The following VPS41 variants were observed in gnomAD, a reference collection of about 807,000 sequenced individuals.
The protein encoded by VPS41 is VPS41 subunit of HOPS complex.
Under a neutral mutation model 130.9 loss-of-function variants are expected in VPS41, and 85 were observed. The observed-to-expected ratio is 0.65, with a 90% CI of 0.55 to 0.78. VPS41 has a LOEUF of 0.78. Ranked by LOEUF, VPS41 falls within the 30% of genes least tolerant of loss-of-function variation. The probability of loss-of-function intolerance (pLI) is 0.00; values close to 1 mark genes in which losing one functional copy is unlikely to be tolerated. For synonymous variants in VPS41, 335 were observed against 332.9 expected (o/e 1.01, Z -0.07); for missense variants, 874 against 1,018.7 (o/e 0.86, Z 1.93).
rs1033257744 is a variant in VPS41, at chr7:38,805,260, C to T, written c.451-8396G>A. ...ACAATTCAAAGTAAAACAGGCCAGG[C>T]GCAGTGGCTCACGCCTGTAATCCCA... On this transcript the variant is annotated intron_variant, in intron 7 of 28. Coordinates refer to ENST00000310301, the MANE Select transcript of VPS41 (RefSeq NM_014396.4). 2.6e-5 allele frequency among the ~76,000 whole-genome samples: 4 copies of T among 152,134 alleles called. No individual in the cohort carries two copies. In the East Asian group the frequency reaches 7.7e-4, roughly 29 times the overall value.
At chr7:38,881,398 TCA>T (rs1407639970) in intron 2 of VPS41, among the ~76,000 whole-genome samples, 6 of 152,292 alleles carry the variant, frequency 3.9e-5, no homozygotes, top group South Asian at 4.1e-4. Context: ...CCAGATAATC[TCA>T]CTCTCCTACA....
At chr7:38,745,359 T>C (rs556532914) in intron 23 of VPS41, among the ~76,000 whole-genome samples, 200 bp downstream of exon 23, 1 of 152,348 alleles carries the variant, frequency 6.6e-6, no homozygotes, top group East Asian at 1.9e-4. Context: ...ATTGCCAATA[T>C]GTTATTTCAA....
chr7:38,897,194 C>CAAA (rs60717646), intron 2 of VPS41, among the ~76,000 whole-genome samples: 64,641 of 115,536 alleles, frequency 0.56, 18,561 homozygotes, highest in Admixed American at 0.67. Flanking sequence ...AACTCTGTCT[C>CAAA]AAAAAAAAAA....
intron 4 of VPS41, among the ~76,000 whole-genome samples, chr7:38,838,220 C>T (rs1245389805): frequency 1.3e-5 from 2 of 150,316 alleles, no homozygotes; most frequent in African/African-American, 2.5e-5. Context: ...CAAACAGCAA[C>T]AACAGGAAAA....
intron 1 of VPS41, 128 bp downstream of exon 1, chr7:38,909,026 C>T: frequency 8.5e-7 from 1 of 1,175,126 alleles, no homozygotes; most frequent in Non-Finnish European, 1.3e-6. Context: ...CCCACCCCGC[C>T]CTGCCGCGGA....
At position 38,884,046 on chromosome 7, in the gene VPS41, A is replaced by T. The variant is rs578103258; in HGVS notation, c.60+14045T>A. Among the ~76,000 whole-genome samples, 3 of 152,326 alleles carry T rather than the reference A, an allele frequency of 2.0e-5. No homozygotes were observed. In the East Asian group the frequency reaches 5.8e-4, roughly 29 times the overall value. ...CAATCTCATAACAGGGCACATTACC[A>T]TTTTTGTTATTAGTTGCCATAAATC... On this transcript the variant is annotated intron_variant, in intron 2 of 28. Coordinates refer to ENST00000310301, the MANE Select transcript of VPS41 (RefSeq NM_014396.4).
chr7:38,791,237 T>G (rs1259622560), intron 9 of VPS41, among the ~76,000 whole-genome samples: 1 of 152,222 alleles, frequency 6.6e-6, no homozygotes, highest in Admixed American at 6.5e-5. Flanking sequence ...TCCACTCTTC[T>G]TCCCACACTT....
intron 2 of VPS41, among the ~76,000 whole-genome samples, chr7:38,888,719 A>G (rs982752350): frequency 3.3e-5 from 5 of 152,216 alleles, no homozygotes; most frequent in African/African-American, 1.2e-4. Flanking sequence ...TCAACAGAAT[A>G]TACATTCTTC....
Position 38,830,323 on chromosome 7 carries a change from A to C in VPS41, c.252T>G (p.Pro84=), listed in dbSNP as rs767200170. ...GNITQKFDVS[P]VKINQISLDE... ...CCAAGCTAATCTGATTTATCTTCAC[A>C]GGACTCTAAAAAGAAAAAGACAAAA... The change falls in exon 5 of 29, where the codon CCT becomes CCG. Residue 84 remains proline (P), a synonymous_variant. Transcript: ENST00000310301. 104 of 1,605,774 alleles carry C rather than the reference A, an allele frequency of 6.5e-5. No homozygotes were observed. The Middle Eastern group carries it at 1.2e-3, about 18-fold the overall frequency.
intron 7 of VPS41, among the ~76,000 whole-genome samples, chr7:38,801,883 C>T (rs1165741790): frequency 2.0e-5 from 3 of 152,194 alleles, no homozygotes; most frequent in East Asian, 1.9e-4. Context: ...TTTCCCAAAA[C>T]GTTTCAGTTA....
At chr7:38,824,864 T>C (rs776998238) in intron 5 of VPS41, among the ~76,000 whole-genome samples, 28 of 152,208 alleles carry the variant, frequency 1.8e-4, no homozygotes, top group Non-Finnish European at 3.8e-4. Context: ...ATATGAGATG[T>C]AAACAAATGA....
intron 4 of VPS41, among the ~76,000 whole-genome samples, chr7:38,855,527 T>A (rs759563647): frequency 2.0e-4 from 30 of 152,136 alleles, no homozygotes; most frequent in Non-Finnish European, 1.5e-4. Context: ...GAAACCATCA[T>A]CACTCACAGA....
At chr7:38,768,668 T>TC (rs1471783991) in intron 14 of VPS41, among the ~76,000 whole-genome samples, 3 of 152,018 alleles carry the variant, frequency 2.0e-5, no homozygotes, top group African/African-American at 7.3e-5. Flanking sequence ...TGGAAACAGA[T>TC]CACACGTAAC....
chr7:38,795,758 C>T, intron 8 of VPS41, 147 bp from the exon 9 acceptor site: 1 of 643,808 alleles, frequency 1.6e-6, no homozygotes, highest in Admixed American at 3.5e-5. Flanking sequence ...TGCTCCTGCT[C>T]CACACAAACC....
intron 1 of VPS41, among the ~76,000 whole-genome samples, chr7:38,902,626 C>T (rs543288564): frequency 1.3e-5 from 2 of 152,280 alleles, no homozygotes; most frequent in African/African-American, 2.4e-5. Flanking sequence ...CACCAAGGCA[C>T]GCCTGCTCAT....
chr7:38,867,173 T>C (rs183383185), intron 3 of VPS41, among the ~76,000 whole-genome samples: 2 of 152,308 alleles, frequency 1.3e-5, no homozygotes, highest in East Asian at 3.9e-4. Flanking sequence ...TATGTTCCAA[T>C]ATATAGTATG....
chr7:38,728,414 A>G, intron 27 of VPS41, 128 bp downstream of exon 27: 1 of 1,046,446 alleles, frequency 9.6e-7, no homozygotes, highest in Non-Finnish European at 1.5e-6. Flanking sequence ...AAGCCACAAC[A>G]CTTCTCTCCA....
chr7:38,896,525 T>C (rs2116434020), intron 2 of VPS41, among the ~76,000 whole-genome samples: 1 of 152,370 alleles, frequency 6.6e-6, no homozygotes, highest in East Asian at 1.9e-4. Context: ...ATAAACTTTC[T>C]TAAAACACTG....
chr7:38,784,884 G>A (rs1467533066), intron 10 of VPS41, among the ~76,000 whole-genome samples: 1 of 151,976 alleles, frequency 6.6e-6, no homozygotes, highest in African/African-American at 2.4e-5. Flanking sequence ...TTCCCTTATT[G>A]GTCCCCAAAT....
Sources: allele counts gnomAD v4.1 joint callset (sites outside exome capture counted in the v4.1 genomes callset), GRCh38; gene constraint gnomAD v4.1.1; transcripts MANE v1.5; gene names NCBI Gene and HGNC (gene_info 2026-07-23, HGNC 2026-07-21).